The following PCDH9 variants were observed in gnomAD, a reference collection of about 807,000 sequenced individuals.
The protein encoded by PCDH9 is protocadherin 9.
In PCDH9, 24 loss-of-function variants were observed where a neutral mutation model predicts 70.6. The observed-to-expected ratio is 0.34, with a 90% confidence interval of 0.25 to 0.48. The LOEUF (loss-of-function observed/expected upper bound fraction) is 0.48, where lower values mean the gene tolerates loss of function less well. Ranked by LOEUF, PCDH9 falls within the 20% of genes least tolerant of loss-of-function variation. The probability of loss-of-function intolerance (pLI) is 0.99; values close to 1 mark genes in which losing one functional copy is unlikely to be tolerated. For missense variants in PCDH9, 1,281 were observed against 1,503.6 expected, an observed-to-expected ratio of 0.85 and a Z score of 2.45; for synonymous variants, 562 against 558.5, an observed-to-expected ratio of 1.01 and a Z score of -0.09.
chr13:66,693,960 T>G (rs1593905626), intron 3 of PCDH9, among the ~76,000 whole-genome samples: 1 of 152,138 alleles, frequency 6.6e-6, no homozygotes. Context: ...ACACAAAAAT[T>G]TAAAAAAGGA....
intron 4 of PCDH9, among the ~76,000 whole-genome samples, chr13:66,363,308 A>G (rs1477379391): frequency 6.6e-6 from 1 of 152,178 alleles, no homozygotes; most frequent in African/African-American, 2.4e-5. Flanking sequence ...TTTCCTCATT[A>G]GGAAATTTAG....
At chr13:66,552,396 G>A (rs1036062742) in intron 4 of PCDH9, among the ~76,000 whole-genome samples, 3 of 152,034 alleles carry the variant, frequency 2.0e-5, no homozygotes, top group African/African-American at 7.2e-5. Flanking sequence ...TCCTATCTCC[G>A]TTTTATATTG....
At chr13:66,377,527 G>A (rs911960504) in intron 4 of PCDH9, among the ~76,000 whole-genome samples, 5 of 152,078 alleles carry the variant, frequency 3.3e-5, no homozygotes, top group African/African-American at 1.2e-4. Flanking sequence ...GAATTTACAT[G>A]CAAAAAGCAA....
chr13:67,214,968 A>G (rs113344313), intron 2 of PCDH9: 1 of 118,802 alleles, frequency 8.4e-6, no homozygotes, highest in African/African-American at 3.0e-5. Flanking sequence ...ATATATATAT[A>G]TATATTCACT....
chr13:66,966,721 G>A (rs1167973659), intron 2 of PCDH9, among the ~76,000 whole-genome samples: 1 of 152,036 alleles, frequency 6.6e-6, no homozygotes, highest in Non-Finnish European at 1.5e-5. Flanking sequence ...TTGTGCCTGA[G>A]CTCTTTTGCT....
chr13:67,077,093 G>A (rs968169017), intron 2 of PCDH9, among the ~76,000 whole-genome samples: 10 of 152,110 alleles, frequency 6.6e-5, no homozygotes, highest in Non-Finnish European at 1.5e-4. Flanking sequence ...GAAGACTGAG[G>A]ACAGATCACA....
At chr13:66,951,527 AT>A (rs2083180767) in intron 2 of PCDH9, among the ~76,000 whole-genome samples, 1 of 143,370 alleles carries the variant, frequency 7.0e-6, no homozygotes, top group Admixed American at 6.7e-5. Flanking sequence ...CAAAGAACCT[AT>A]TCTCATAGGC....
intron 2 of PCDH9, among the ~76,000 whole-genome samples, chr13:67,073,871 T>C (rs2138162726): frequency 6.6e-6 from 1 of 152,178 alleles, no homozygotes; most frequent in Non-Finnish European, 1.5e-5. Context: ...TAAAATGAGG[T>C]ACTTCTACTA....
chr13:66,726,290 T>G (rs1315141993), intron 3 of PCDH9, among the ~76,000 whole-genome samples: 1 of 152,190 alleles, frequency 6.6e-6, no homozygotes, highest in South Asian at 2.1e-4. Flanking sequence ...AGAGTTGTAA[T>G]AGGGAGGAAG....
chr13:66,954,478 G>A (rs1057478415), intron 2 of PCDH9, among the ~76,000 whole-genome samples: 3 of 152,160 alleles, frequency 2.0e-5, no homozygotes, highest in Admixed American at 6.5e-5. Flanking sequence ...CATTGGATAA[G>A]CTGAAGCTTA....
intron 2 of PCDH9, among the ~76,000 whole-genome samples, chr13:66,988,236 G>A (rs2083933011): frequency 6.6e-6 from 1 of 151,900 alleles, no homozygotes; most frequent in Non-Finnish European, 1.5e-5. Context: ...TTAGTTAATT[G>A]AGGCCATAGA....
At chr13:66,386,672 T>C (rs992900927) in intron 4 of PCDH9, among the ~76,000 whole-genome samples, 5 of 152,162 alleles carry the variant, frequency 3.3e-5, no homozygotes, top group Non-Finnish European at 7.4e-5. Flanking sequence ...AATATTCATA[T>C]AGTGATTGGC....
intron 3 of PCDH9, among the ~76,000 whole-genome samples, chr13:66,666,588 C>T (rs543264240): frequency 6.6e-6 from 1 of 152,274 alleles, no homozygotes; most frequent in South Asian, 2.1e-4. Flanking sequence ...GACAATAAAT[C>T]TTTCTGTACC....
chr13:66,639,930 C>A (rs1451397971), intron 3 of PCDH9, among the ~76,000 whole-genome samples: 1 of 152,076 alleles, frequency 6.6e-6, no homozygotes, highest in East Asian at 1.9e-4. Flanking sequence ...TAAACAGGAG[C>A]AGCTGTTCCT....
chr13:67,051,616 C>T, intron 2 of PCDH9, among the ~76,000 whole-genome samples: 1 of 151,852 alleles, frequency 6.6e-6, no homozygotes, highest in East Asian at 1.9e-4. Flanking sequence ...TGGTCTCAAA[C>T]TCCTGACCTC....
At chr13:67,134,787 A>C (rs1009898673) in intron 2 of PCDH9, among the ~76,000 whole-genome samples, 1 of 152,094 alleles carries the variant, frequency 6.6e-6, no homozygotes, top group Non-Finnish European at 1.5e-5. Flanking sequence ...AACAATGTAA[A>C]AGTGGCATCT....
chr13:66,638,197 C>T (rs2077664390), intron 3 of PCDH9, among the ~76,000 whole-genome samples: 2 of 152,256 alleles, frequency 1.3e-5, no homozygotes, highest in East Asian at 1.9e-4. Context: ...AGATCATATT[C>T]TAAAAAGTAG....
chr13:66,373,922 T>A (rs1475339364), intron 4 of PCDH9, among the ~76,000 whole-genome samples: 2 of 152,100 alleles, frequency 1.3e-5, no homozygotes, highest in Non-Finnish European at 2.9e-5. Context: ...TACCTGCTTA[T>A]ATCATAGGAT....
At chr13:66,721,404 A>G (rs1412990367) in intron 3 of PCDH9, among the ~76,000 whole-genome samples, 1 of 152,192 alleles carries the variant, frequency 6.6e-6, no homozygotes, top group African/African-American at 2.4e-5. Flanking sequence ...TGCAGTAAAG[A>G]TATCTGTTTA....
Sources: gnomAD v4.1 joint callset for allele counts (sites outside exome capture counted in the v4.1 genomes callset) on GRCh38, gnomAD v4.1.1 for gene constraint, MANE v1.5 for transcripts, NCBI Gene and HGNC (gene_info 2026-07-23, HGNC 2026-07-21) for gene names.